The following DCLK2 variants were observed in gnomAD, a reference collection of about 807,000 sequenced individuals.
The protein encoded by DCLK2 is serine/threonine-protein kinase DCLK2.
In DCLK2, 31 loss-of-function variants were observed where a neutral mutation model predicts 78.4. The ratio of observed to expected loss-of-function variants is 0.40; its 90% confidence interval spans 0.30 to 0.53. The LOEUF (loss-of-function observed/expected upper bound fraction) is 0.53, where lower values mean the gene tolerates loss of function less well. DCLK2 is among the 20% of genes least tolerant of loss of function. The probability of loss-of-function intolerance (pLI) is 0.61; values close to 1 mark genes in which losing one functional copy is unlikely to be tolerated. For synonymous variants in DCLK2, 407 were observed against 374.9 expected (o/e 1.09, Z -0.99); for missense variants, 872 against 973.7 (o/e 0.90, Z 1.39).
chr4:150,134,191 C>T (rs1052087536), intron 2 of DCLK2, among the ~76,000 whole-genome samples: 4 of 145,476 alleles, frequency 2.7e-5, no homozygotes, highest in African/African-American at 1.0e-4. Context: ...AGTGATTTTC[C>T]TGCCTCAGCC....
chr4:150,174,065 T>G (rs1292578953), intron 2 of DCLK2, among the ~76,000 whole-genome samples: 2 of 152,084 alleles, frequency 1.3e-5, no homozygotes, highest in Non-Finnish European at 2.9e-5. Context: ...ACACCGCACT[T>G]TAGTGATACC....
intron 5 of DCLK2, among the ~76,000 whole-genome samples, chr4:150,205,191 C>T (rs980895814): frequency 1.3e-5 from 2 of 152,080 alleles, no homozygotes; most frequent in African/African-American, 4.8e-5. Flanking sequence ...GAGTGGGAAC[C>T]TGCCAAGCCC....
At chr4:150,157,100 C>A (rs1485697617) in intron 2 of DCLK2, among the ~76,000 whole-genome samples, 4 of 151,366 alleles carry the variant, frequency 2.6e-5, no homozygotes, top group African/African-American at 4.9e-5. Flanking sequence ...GTGTATGTAT[C>A]AGTCCAAACT....
At chr4:150,137,553 A>G (rs987848476) in intron 2 of DCLK2, among the ~76,000 whole-genome samples, 1 of 152,170 alleles carries the variant, frequency 6.6e-6, no homozygotes, top group African/African-American at 2.4e-5. Flanking sequence ...AGCTTCTATG[A>G]GTGAAAGTTA....
chr4:150,117,848 A>G (rs897374325), intron 2 of DCLK2, among the ~76,000 whole-genome samples: 4 of 152,202 alleles, frequency 2.6e-5, no homozygotes, highest in Non-Finnish European at 5.9e-5. Context: ...CTTCTTGGAA[A>G]AAAGTTCACA....
intron 8 of DCLK2, among the ~76,000 whole-genome samples, chr4:150,229,159 G>A (rs888531038): frequency 2.0e-5 from 3 of 152,018 alleles, no homozygotes; most frequent in African/African-American, 7.2e-5. Context: ...TGGCAATATA[G>A]TGAGACCCCA....
chr4:150,219,546 C>G lies in DCLK2; in HGVS notation c.1057-1157C>G, dbSNP rs77910311. Among the ~76,000 whole-genome samples, 984 of 152,248 alleles carry G rather than the reference C, an allele frequency of 6.5e-3. 5 individuals carry two copies. The highest frequency in any genetic ancestry group is 0.014 in the Middle Eastern group (4 of 294). On this transcript the variant is annotated intron_variant, in intron 5 of 15. Coordinates refer to ENST00000296550, the MANE Select transcript of DCLK2 (RefSeq NM_001040260.4). Reference sequence around the variant, plus strand: ...AAAGTGCTGGGATTATAGGTGTGCACCACCGCACCAAGCCCACATTCTTAA... The same window carrying G: ...AAAGTGCTGGGATTATAGGTGTGCAGCACCGCACCAAGCCCACATTCTTAA...
chr4:150,203,719 C>A, intron 4 of DCLK2, 76 bp from the exon 5 acceptor site: 1 of 1,194,884 alleles, frequency 8.4e-7, no homozygotes, highest in Non-Finnish European at 1.2e-6. Context: ...ATTGTGCATG[C>A]ACCTAGTGTA....
intron 10 of DCLK2, among the ~76,000 whole-genome samples, chr4:150,233,968 G>C (rs1419044215): frequency 2.6e-5 from 4 of 152,094 alleles, no homozygotes; most frequent in African/African-American, 9.7e-5. Context: ...GACATAGTTG[G>C]CTTCTTTATT....
intron 1 of DCLK2, among the ~76,000 whole-genome samples, chr4:150,086,626 C>A (rs935864259): frequency 3.9e-5 from 6 of 152,024 alleles, no homozygotes; most frequent in Admixed American, 3.3e-4. Context: ...CCTGCCTCAG[C>A]CTACCGAGTA....
chr4:150,120,197 T>G (rs1221846267), intron 2 of DCLK2, among the ~76,000 whole-genome samples: 3 of 152,220 alleles, frequency 2.0e-5, no homozygotes, highest in Non-Finnish European at 2.9e-5. Context: ...AAATATTTAG[T>G]CCAGCTTTCT....
chr4:150,080,111 G>GCCACC (rs1553950648), intron 1 of DCLK2, among the ~76,000 whole-genome samples: 1 of 129,552 alleles, frequency 7.7e-6, no homozygotes, highest in Non-Finnish European at 1.8e-5. Flanking sequence ...AGTCTCAAAA[G>GCCACC]CCCCCCCCCC....
intron 3 of DCLK2, among the ~76,000 whole-genome samples, chr4:150,194,632 A>G (rs1173711001): frequency 6.6e-6 from 1 of 152,184 alleles, no homozygotes; most frequent in Non-Finnish European, 1.5e-5. Context: ...TAGTAAAGTC[A>G]GCTTCCTCTT....
At chr4:150,215,946 C>T (rs972492891) in intron 5 of DCLK2, among the ~76,000 whole-genome samples, 10 of 152,108 alleles carry the variant, frequency 6.6e-5, no homozygotes, top group Non-Finnish European at 1.5e-4. Flanking sequence ...CTAAAGCATC[C>T]CAACATTATA....
chr4:150,180,697 G>A (rs942013113), intron 2 of DCLK2, among the ~76,000 whole-genome samples: 2 of 152,114 alleles, frequency 1.3e-5, no homozygotes, highest in African/African-American at 2.4e-5. Flanking sequence ...GTCTCTCTCT[G>A]ACCTTCTCCT....
In DCLK2 at chr4:150,256,181, C is replaced by A. The variant is rs762739343; in HGVS notation, c.2235C>A (p.Thr745=). The change falls in exon 16 of 16, where the codon ACC becomes ACA. Residue 745 remains threonine, a synonymous_variant. Transcript: ENST00000296550. ...CCCCCACCCCTCCGGAATCTCCCAC[C>A]CCCCACCCTCCTCCCGCTGCCCCGG... ...VPAPTPPESP[T]PHPPPAAPGG... 6.4e-7 allele frequency: 1 copy of A among 1,552,530 alleles called. No individual in the cohort carries two copies. The highest frequency in any genetic ancestry group is 8.7e-7 in the Non-Finnish European group (1 of 1,150,004).
chr4:150,122,409 A>T (rs1732614758), intron 2 of DCLK2, among the ~76,000 whole-genome samples: 1 of 152,226 alleles, frequency 6.6e-6, no homozygotes, highest in Non-Finnish European at 1.5e-5. Flanking sequence ...TACACCATGG[A>T]ATACTATGCA....
intron 2 of DCLK2, among the ~76,000 whole-genome samples, chr4:150,170,936 GA>G (rs557488364): frequency 4.6e-5 from 7 of 150,684 alleles, no homozygotes; most frequent in African/African-American, 7.3e-5. Context: ...AACAGTCACT[GA>G]AAAAAAAAAT....
chr4:150,200,541 A>G (rs1373456748), intron 4 of DCLK2, among the ~76,000 whole-genome samples: 4 of 152,240 alleles, frequency 2.6e-5, no homozygotes, highest in Non-Finnish European at 5.9e-5. Flanking sequence ...ACCAGGAAGA[A>G]GAGGATTTTG....
Sources: allele counts gnomAD v4.1 joint callset (sites outside exome capture counted in the v4.1 genomes callset), GRCh38; gene constraint gnomAD v4.1.1; transcripts MANE v1.5; gene names NCBI Gene and HGNC (gene_info 2026-07-23, HGNC 2026-07-21).